NAE1: variants seen among roughly 807,000 people sequenced by gnomAD.
The protein encoded by NAE1 is NEDD8-activating enzyme E1 regulatory subunit.
A neutral mutation model predicts 88.0 loss-of-function variants in NAE1; 59 were observed. The ratio of observed to expected loss-of-function variants is 0.67; its 90% CI spans 0.54 to 0.83. NAE1 has a LOEUF of 0.83. Ranked by LOEUF, NAE1 falls within the 40% of genes least tolerant of loss-of-function variation. The probability of loss-of-function intolerance (pLI) is 0.00; values close to 1 mark genes in which losing one functional copy is unlikely to be tolerated. For missense variants in NAE1, 554 were observed against 632.8 expected, an observed-to-expected ratio of 0.88 and a Z score of 1.34; for synonymous variants, 186 against 208.9, an observed-to-expected ratio of 0.89 and a Z score of 0.95.
chr16:66,821,917 TG>T (rs1336193142), intron 6 of NAE1, among the ~76,000 whole-genome samples: 2 of 152,180 alleles, frequency 1.3e-5, no homozygotes, highest in Non-Finnish European at 2.9e-5. Flanking sequence ...TTGCCCAGGC[TG>T]GAGTGCAGTG....
intron 14 of NAE1, 22 bp downstream of exon 14, chr16:66,810,675 C>T (rs1173944500): frequency 6.2e-7 from 1 of 1,608,914 alleles, no homozygotes; most frequent in Admixed American, 1.7e-5. Flanking sequence ...CCTGTATGGG[C>T]ACAGTGTGCC....
chr16:66,817,963 T>A (rs1452946510), intron 8 of NAE1, among the ~76,000 whole-genome samples: 1 of 152,184 alleles, frequency 6.6e-6, no homozygotes, highest in African/African-American at 2.4e-5. Context: ...TTAAAATTTT[T>A]TACTTTCAAT....
rs1397377141 is a variant in NAE1 at position 66,821,302 on chromosome 16, T to C, written c.511+148A>G. ...TACATAAAGAGTAGATTGCAGCCTATTGAATCTGATTGCCACTTTGAATCT... is the reference window on the plus strand; with the variant it reads ...TACATAAAGAGTAGATTGCAGCCTACTGAATCTGATTGCCACTTTGAATCT... On this transcript the variant is annotated intron_variant, in intron 7 of 19. Transcript: ENST00000290810. The C allele has an allele frequency of 7.0e-6, 7 of 997,268 alleles. No individual in the cohort carries two copies. In the African/African-American group the frequency reaches 8.3e-5, roughly 12 times the overall value. 61.8% of individuals were successfully genotyped at this position (997,268 alleles called of 1,614,324 possible). A position where few individuals can be genotyped will look rare whatever the true frequency, so the allele number is the denominator to read the frequency against.
chr16:66,823,383 A>G (rs2145347311), intron 5 of NAE1, 77 bp from the exon 6 acceptor site: 1 of 1,362,802 alleles, frequency 7.3e-7, no homozygotes, highest in African/African-American at 1.5e-5. Context: ...AGAGACAGTT[A>G]AGCTATTTTA....
chr16:66,816,836 C>T, intron 10 of NAE1, 129 bp downstream of exon 10: 1 of 1,448,444 alleles, frequency 6.9e-7, no homozygotes, highest in Non-Finnish European at 9.2e-7. Context: ...TTCTTAACTT[C>T]TCCAGAAGGA....
chr16:66,817,109 T>C (rs1401951220), intron 9 of NAE1, 81 bp from the exon 10 acceptor site: 5 of 1,469,168 alleles, frequency 3.4e-6, no homozygotes, highest in Non-Finnish European at 4.5e-6. Context: ...TCCCCCATTC[T>C]CTACATAAGA....
intron 1 of NAE1, 85 bp downstream of exon 1, chr16:66,830,762 C>G (rs1294395563): frequency 2.0e-5 from 27 of 1,337,744 alleles, no homozygotes; most frequent in Admixed American, 2.3e-5. Flanking sequence ...GAGGAAGGCC[C>G]GACCGCGCCG....
chr16:66,820,098 C>G (rs1960191301), intron 7 of NAE1, among the ~76,000 whole-genome samples: 1 of 152,164 alleles, frequency 6.6e-6, no homozygotes, highest in African/African-American at 2.4e-5. Context: ...AATGGCTCAC[C>G]ACCAGCAGCC....
At chr16:66,807,509 G>A (rs1055853324) in intron 17 of NAE1, among the ~76,000 whole-genome samples, 3 of 152,000 alleles carry the variant, frequency 2.0e-5, no homozygotes, top group Admixed American at 6.6e-5. Flanking sequence ...GCGAGGTGGC[G>A]GGCGCCTATA....
intron 11 of NAE1, among the ~76,000 whole-genome samples, chr16:66,814,585 CCT>C (rs1179705401): frequency 3.8e-5 from 5 of 131,368 alleles, no homozygotes; most frequent in African/African-American, 1.5e-4. Flanking sequence ...AATGTGAGAC[CCT>C]GTCTCAAAAA....
rs1959414669 is a variant in NAE1 at position 66,803,027 on chromosome 16, T to C, written c.1587A>G (p.Ser529=). 1 of 1,607,072 alleles carries C rather than the reference T, an allele frequency of 6.2e-7. No homozygotes were observed. The highest frequency in any genetic ancestry group is 8.5e-7 in the Non-Finnish European group (1 of 1,173,972). Residue 529 remains serine (S), a synonymous_variant, in exon 20 of 20, where the codon TCA becomes TCG. Transcript: ENST00000290810. ...GCTTACTCTACAACTGGAAAGTTGC[T>C]GAAGTTTGTGACATGCCACTGTAAA... ...TYIYSGMSQT[S]ATFQL is the part of the protein sequence containing the mutation.
intron 7 of NAE1, among the ~76,000 whole-genome samples, chr16:66,821,005 GT>G (rs2145341247): frequency 6.6e-6 from 1 of 152,286 alleles, no homozygotes; most frequent in South Asian, 2.1e-4. Context: ...GGAGGTGGAG[GT>G]TGCAGTGAGC....
chr16:66,813,764 G>A (rs1410611160), intron 12 of NAE1, 23 bp downstream of exon 12: 1 of 1,612,726 alleles, frequency 6.2e-7, no homozygotes, highest in Middle Eastern at 1.7e-4. Context: ...TAGCAGCAAT[G>A]TTTTTACTTT....
chr16:66,830,664 C>G (rs930626897), intron 1 of NAE1, among the ~76,000 whole-genome samples, 183 bp downstream of exon 1: 5 of 152,224 alleles, frequency 3.3e-5, no homozygotes, highest in Non-Finnish European at 7.4e-5. Flanking sequence ...GGTCCCAGCC[C>G]TCGCGGAGCA....
Position 66,813,342 on chromosome 16 carries a change from T to C in NAE1, c.1034+222A>G, listed in dbSNP as rs542836114. On this transcript the variant is annotated intron_variant, in intron 13 of 19. Coordinates refer to ENST00000290810, the MANE Select transcript of NAE1 (RefSeq NM_003905.4). ...ATTTGTAGAGATGGAAGTCTCACTA[T>C]GTTGCCCACGATGGTCTCAAACTCC... The C allele has an allele frequency of 1.2e-5, 6 of 491,970 alleles. No individual in the cohort carries two copies. The East Asian group carries it at 2.1e-4, about 17-fold the overall frequency. 30.5% of individuals were successfully genotyped at this position (491,970 alleles called of 1,614,324 possible).
intron 1 of NAE1, among the ~76,000 whole-genome samples, chr16:66,828,405 C>T (rs1268980033): frequency 3.3e-5 from 5 of 151,490 alleles, no homozygotes; most frequent in Non-Finnish European, 7.4e-5. Flanking sequence ...GCATGAGAAT[C>T]GCATGAACGC....
chr16:66,808,422 A>G, intron 17 of NAE1, 99 bp downstream of exon 17: 1 of 851,516 alleles, frequency 1.2e-6, no homozygotes, highest in Non-Finnish European at 1.8e-6. Flanking sequence ...TACAATGTGA[A>G]ATTCAAGCAA....
chr16:66,830,864 C>CT lies in NAE1; in HGVS notation c.35dup (p.Tyr13ValfsTer10). On this transcript the variant is annotated frameshift_variant, in exon 1 of 20. Coordinates refer to ENST00000290810, the MANE Select transcript of NAE1 (RefSeq NM_003905.4). LOFTEE classifies it high-confidence loss of function. ...CGGCTCACCTCAGCTGCCGGTCGTA[C>CT]TTCTGCTCCTTGAGCAGCTTTCCCA... The CT allele has an allele frequency of 6.5e-7, 1 of 1,532,070 alleles. No homozygotes were observed. Among genetic ancestry groups the CT allele is most frequent in the Non-Finnish European group, 8.7e-7 (1 of 1,148,642 alleles). 94.9% of individuals were successfully genotyped at this position (1,532,070 alleles called of 1,614,324 possible). A position where few individuals can be genotyped will look rare whatever the true frequency, so the allele number is the denominator to read the frequency against.
At position 66,830,851 on chromosome 16, in the gene NAE1, G is replaced by C. The variant is rs776794415; in HGVS notation, c.49C>G (p.Leu17Val). ...GCTCGGTGAGCCTCGGCTCACCTCA[G>C]CTGCCGGTCGTACTTCTGCTCCTTG... ...LLKEQKYDRQ[L>V]RLWGDHGQEA... The change falls in exon 1 of 20, where the codon CTG (leucine) becomes GTG (valine). Residue 17 changes from leucine (L) to valine (V), a missense_variant. Leu to Val is a conservative substitution (Grantham distance 32). Coordinates refer to ENST00000290810, the MANE Select transcript of NAE1 (RefSeq NM_003905.4). 3.9e-6 allele frequency: 6 copies of C among 1,522,174 alleles called. No homozygotes were observed. The highest frequency in any genetic ancestry group is 5.2e-6 in the Non-Finnish European group (6 of 1,143,268). 94.3% of individuals were successfully genotyped at this position (1,522,174 alleles called of 1,614,324 possible).
Sources: gnomAD v4.1 joint callset for allele counts (sites outside exome capture counted in the v4.1 genomes callset) on GRCh38, gnomAD v4.1.1 for gene constraint, MANE v1.5 for transcripts, NCBI Gene and HGNC (gene_info 2026-07-23, HGNC 2026-07-21) for gene names.